The following DNER variants were observed in gnomAD, a reference collection of about 807,000 sequenced individuals.
DNER encodes delta/notch like EGF repeat containing.
A neutral mutation model predicts 78.2 loss-of-function variants in DNER; 33 were observed. The ratio of observed to expected loss-of-function variants is 0.42; its 90% CI spans 0.32 to 0.56. DNER has a LOEUF of 0.56. Ranked by LOEUF, DNER falls within the 20% of genes least tolerant of loss-of-function variation. The pLI is 0.11. For synonymous variants in DNER, 417 were observed against 384.8 expected (o/e 1.08, Z -0.98); for missense variants, 918 against 975.3 (o/e 0.94, Z 0.78).
chr2:229,523,743 G>A (rs1045480929), intron 5 of DNER, among the ~76,000 whole-genome samples: 13 of 152,140 alleles, frequency 8.5e-5, no homozygotes, highest in African/African-American at 3.1e-4. Context: ...GCTGCTTTTA[G>A]TCCTTCACAG....
chr2:229,435,974 G>C (rs1200932217), intron 8 of DNER, among the ~76,000 whole-genome samples: 1 of 151,982 alleles, frequency 6.6e-6, no homozygotes, highest in Non-Finnish European at 1.5e-5. Context: ...TTTTATTTTA[G>C]GTTCAGGGAT....
intron 5 of DNER, among the ~76,000 whole-genome samples, chr2:229,521,080 A>G (rs1361110052): frequency 1.3e-5 from 2 of 152,182 alleles, no homozygotes; most frequent in Non-Finnish European, 2.9e-5. Flanking sequence ...GCCTATGAAT[A>G]AAAAGTCCGA....
chr2:229,649,100 G>A lies in DNER; in HGVS notation c.277-57212C>T, dbSNP rs925967685. On this transcript the variant is annotated intron_variant, in intron 1 of 12. Coordinates refer to ENST00000341772, the MANE Select transcript of DNER (RefSeq NM_139072.4). ...CAGTAACAGAGACGAGGAGAGAGGA[G>A]GAGGCAAGAAAAGGCTGGACAACAG... Among the ~76,000 whole-genome samples, 4 of 152,320 alleles carry A rather than the reference G, an allele frequency of 2.6e-5. No homozygotes were observed. In the East Asian group the frequency reaches 7.7e-4, roughly 29 times the overall value.
intron 1 of DNER, among the ~76,000 whole-genome samples, chr2:229,621,959 G>A (rs1698258167): frequency 1.3e-5 from 2 of 152,170 alleles, no homozygotes; most frequent in Non-Finnish European, 2.9e-5. Flanking sequence ...GGTGGCAGGT[G>A]CCTGTAGTCC....
chr2:229,554,937 GA>G (rs1559165515), intron 4 of DNER, among the ~76,000 whole-genome samples: 672 of 32,064 alleles, frequency 0.021, 15 homozygotes, highest in Middle Eastern at 0.053. Flanking sequence ...GAAGAGAAGA[GA>G]GAAAAGGGAA....
intron 6 of DNER, among the ~76,000 whole-genome samples, chr2:229,493,523 G>GCCCTC (rs1695444514): frequency 6.6e-6 from 1 of 152,180 alleles, no homozygotes; most frequent in African/African-American, 2.4e-5. Context: ...AATTGTTGCT[G>GCCCTC]CCCTCGAGCC....
At chr2:229,559,686 C>T (rs1696919868) in intron 4 of DNER, among the ~76,000 whole-genome samples, 1 of 152,124 alleles carries the variant, frequency 6.6e-6, no homozygotes, top group Non-Finnish European at 1.5e-5. Context: ...TTGAGAGGCT[C>T]ACTTCTATTT....
Position 229,478,809 on chromosome 2 carries a change from TCAA to T in DNER, c.1148-1559_1148-1557del, listed in dbSNP as rs377191786. 2.6e-3 allele frequency among the ~76,000 whole-genome samples: 399 copies of T among 152,280 alleles called. 5 individuals are homozygous for T. The highest frequency in any genetic ancestry group is 9.0e-3 in the African/African-American group (376 of 41,552). ...AGAATCACCCTATTTTTTTTTAACT[TCAA>T]CTTTTATTTTAAGTTCCGGGGTACC... On this transcript the variant is annotated intron_variant, in intron 6 of 12. Coordinates refer to ENST00000341772, the MANE Select transcript of DNER (RefSeq NM_139072.4).
At position 229,677,032 on chromosome 2, in the gene DNER, C is replaced by T; in HGVS notation, c.276+37116G>A. On this transcript the variant is annotated intron_variant, in intron 1 of 12. Coordinates refer to ENST00000341772, the MANE Select transcript of DNER (RefSeq NM_139072.4). ...CAGAATTCTTGCTCTTCCCACTCTG[C>T]TTCTTCCATGCCTCGTGACACTGGG... Among the ~76,000 whole-genome samples the T allele has an allele frequency of 1.3e-5, 2 of 152,218 alleles. 1 individual carries two copies. The highest frequency in any genetic ancestry group is 3.8e-4 in the East Asian group (2 of 5,200).
intron 7 of DNER, among the ~76,000 whole-genome samples, chr2:229,462,468 C>T (rs1694723394): frequency 6.6e-6 from 1 of 152,024 alleles, no homozygotes; most frequent in African/African-American, 2.4e-5. Context: ...GATTGTTTTT[C>T]TTCTCTGAAC....
intron 6 of DNER, among the ~76,000 whole-genome samples, chr2:229,483,588 C>G (rs186501719): frequency 1.3e-5 from 2 of 152,298 alleles, no homozygotes; most frequent in Admixed American, 6.5e-5. Context: ...GCTTGAGAAT[C>G]ATTATAGTGT....
chr2:229,558,332 CAA>C (rs777001335), intron 4 of DNER, among the ~76,000 whole-genome samples: 1 of 152,098 alleles, frequency 6.6e-6, no homozygotes, highest in Non-Finnish European at 1.5e-5. Flanking sequence ...CCCCATAACC[CAA>C]GTTTATCTAT....
chr2:229,392,517 A>C (rs909460025), intron 10 of DNER, among the ~76,000 whole-genome samples: 12 of 152,212 alleles, frequency 7.9e-5, no homozygotes, highest in Non-Finnish European at 2.9e-5. Flanking sequence ...ATTGAGCACC[A>C]GAAATCTGCT....
intron 5 of DNER, among the ~76,000 whole-genome samples, chr2:229,544,690 G>C (rs972620581): frequency 6.6e-6 from 1 of 151,698 alleles, no homozygotes; most frequent in Admixed American, 6.6e-5. Context: ...CCACCACCAC[G>C]CCTGGCTAAT....
At chr2:229,513,592 T>TA (rs1695915251) in intron 5 of DNER, among the ~76,000 whole-genome samples, 2 of 152,102 alleles carry the variant, frequency 1.3e-5, no homozygotes, top group African/African-American at 4.8e-5. Flanking sequence ...AGGTGCAAAA[T>TA]ACAAACAAAA....
chr2:229,417,960 C>T (rs2106349031), intron 9 of DNER, 148 bp downstream of exon 9: 1 of 1,324,326 alleles, frequency 7.6e-7, no homozygotes, highest in Admixed American at 2.2e-5. Flanking sequence ...AAATTGGTCT[C>T]CTTGGACCGA....
intron 1 of DNER, among the ~76,000 whole-genome samples, chr2:229,619,150 TACAC>T (rs67363480): frequency 4.0e-5 from 6 of 150,050 alleles, no homozygotes; most frequent in African/African-American, 4.9e-5. Context: ...AAAAAATTTA[TACAC>T]ACACACACAC....
intron 11 of DNER, among the ~76,000 whole-genome samples, chr2:229,379,510 T>C (rs192884720): frequency 6.6e-5 from 10 of 152,306 alleles, no homozygotes; most frequent in Non-Finnish European, 1.2e-4. Flanking sequence ...AAACTTTAGA[T>C]TTTTTACAAT....
chr2:229,453,156 A>G (rs1342303798), intron 7 of DNER, among the ~76,000 whole-genome samples: 1 of 152,248 alleles, frequency 6.6e-6, no homozygotes, highest in Admixed American at 6.5e-5. Context: ...ATTAATGCTT[A>G]CAATTTTCAT....
Sources: gnomAD v4.1 joint callset for allele counts (sites outside exome capture counted in the v4.1 genomes callset) on GRCh38, gnomAD v4.1.1 for gene constraint, MANE v1.5 for transcripts, NCBI Gene and HGNC (gene_info 2026-07-23, HGNC 2026-07-21) for gene names.